The following MAP3K3 variants were observed in gnomAD, a reference collection of about 807,000 sequenced individuals.
The protein encoded by MAP3K3 is MAP/ERK kinase kinase 3.
A neutral mutation model predicts 80.9 loss-of-function variants in MAP3K3; 12 were observed. The ratio of observed to expected loss-of-function variants is 0.15; its 90% confidence interval spans 0.10 to 0.24. The LOEUF (loss-of-function observed/expected upper bound fraction) is 0.24, where lower values mean the gene tolerates loss of function less well. Ranked by LOEUF, MAP3K3 falls within the 10% of genes least tolerant of loss-of-function variation. The pLI is 1.00. For synonymous variants in MAP3K3, 272 were observed against 307.1 expected, an observed-to-expected ratio of 0.89 and a Z score of 1.19; for missense variants, 596 against 834.7, an observed-to-expected ratio of 0.71 and a Z score of 3.52.
Position 63,676,222 on chromosome 17 carries a change from A to G in MAP3K3, c.503-5544A>G, listed in dbSNP as rs116971599. On this transcript the variant is annotated intron_variant, in intron 6 of 15. Coordinates refer to ENST00000361733, the MANE Select transcript of MAP3K3 (RefSeq NM_002401.5). ...AAAAAGTGAAAGTTTCTGGCTGGAA[A>G]TAAAAGCTCAGAAAACCTTTGCTAT... is the stretch of plus-strand genomic sequence containing the variant. Among the ~76,000 whole-genome samples, 432 of 152,356 alleles carry G rather than the reference A, an allele frequency of 2.8e-3. 1 individual carries two copies. The highest frequency in any genetic ancestry group is 4.4e-3 in the Non-Finnish European group (298 of 68,024).
chr17:63,667,364 A>G (rs1378431723), intron 6 of MAP3K3, among the ~76,000 whole-genome samples: 1 of 152,192 alleles, frequency 6.6e-6, no homozygotes. Flanking sequence ...GTTTACACTC[A>G]CTTTTGACCA....
At chr17:63,676,633 C>T (rs2035225291) in intron 6 of MAP3K3, among the ~76,000 whole-genome samples, 1 of 152,204 alleles carries the variant, frequency 6.6e-6, no homozygotes, top group African/African-American at 2.4e-5. Flanking sequence ...GAAGAGGTTC[C>T]ATAAACCAGA....
chr17:63,693,471 C>T lies in MAP3K3; in HGVS notation c.1653-78C>T. The T allele has an allele frequency of 1.5e-6, 2 of 1,308,546 alleles. No homozygotes were observed. The highest frequency in any genetic ancestry group is 2.1e-6 in the Non-Finnish European group (2 of 938,470). 81.1% of individuals were successfully genotyped at this position (1,308,546 alleles called of 1,614,324 possible). On this transcript the variant is annotated intron_variant, in intron 15 of 15. Coordinates refer to ENST00000361733, the MANE Select transcript of MAP3K3 (RefSeq NM_002401.5). The surrounding 1 kb of genome is among the most constrained non-coding windows in gnomAD (Gnocchi z 4.2). ...ACCTCAGCTTGCTGTGAGAAAGGCG[C>T]CTCTTTCTGCAGTGGTGGGCAGGAC...
At chr17:63,632,576 A>C in intron 1 of MAP3K3, 105 bp from the exon 2 acceptor site, 2 of 1,349,412 alleles carry the variant, frequency 1.5e-6, no homozygotes, top group Non-Finnish European at 2.1e-6. Flanking sequence ...AGGGTCTGTC[A>C]TTTTACCTGG....
intron 6 of MAP3K3, among the ~76,000 whole-genome samples, chr17:63,673,947 G>A (rs2035163505): frequency 2.6e-5 from 4 of 151,980 alleles, no homozygotes; most frequent in South Asian, 4.1e-4. Flanking sequence ...AGGTGTGGTC[G>A]TGCGCATCTG....
intron 6 of MAP3K3, among the ~76,000 whole-genome samples, chr17:63,672,190 G>T (rs2035124465): frequency 6.6e-6 from 1 of 151,622 alleles, no homozygotes; most frequent in Non-Finnish European, 1.5e-5. Context: ...GGCTGAGGCA[G>T]GAGAATTGTT....
chr17:63,638,643 A>G (rs1598068109), intron 2 of MAP3K3, among the ~76,000 whole-genome samples: 1 of 152,114 alleles, frequency 6.6e-6, no homozygotes, highest in African/African-American at 2.4e-5. Context: ...TGGGGAGGGG[A>G]CATGAAGCTG....
chr17:63,684,865 A>T (rs2035415424), intron 7 of MAP3K3, among the ~76,000 whole-genome samples: 1 of 152,196 alleles, frequency 6.6e-6, no homozygotes. Flanking sequence ...ACTTTTGTGC[A>T]GAGAAAATGA....
At chr17:63,669,590 T>C (rs2035063983) in intron 6 of MAP3K3, among the ~76,000 whole-genome samples, 1 of 151,994 alleles carries the variant, frequency 6.6e-6, no homozygotes. Context: ...TGCCTCAGCC[T>C]GTTACAGGTG....
chr17:63,652,836 T>C (rs961106465), intron 4 of MAP3K3, among the ~76,000 whole-genome samples, 180 bp downstream of exon 4: 1 of 152,228 alleles, frequency 6.6e-6, no homozygotes, highest in Non-Finnish European at 1.5e-5. Flanking sequence ...CATGGGAGAT[T>C]ACTCAGCCAT....
chr17:63,641,368 G>A (rs1402603217), intron 2 of MAP3K3, among the ~76,000 whole-genome samples: 5 of 151,356 alleles, frequency 3.3e-5, no homozygotes, highest in African/African-American at 7.3e-5. Context: ...TCAGCCTCCC[G>A]AATAGCTGGG....
At chr17:63,654,299 C>T (rs529130287) in intron 4 of MAP3K3, among the ~76,000 whole-genome samples, 16 of 93,164 alleles carry the variant, frequency 1.7e-4, no homozygotes, top group African/African-American at 6.2e-4. Flanking sequence ...CTGAACATTT[C>T]GTGTAGTGCA....
intron 1 of MAP3K3, among the ~76,000 whole-genome samples, chr17:63,630,394 C>T (rs2034191451): frequency 6.6e-6 from 1 of 152,184 alleles, no homozygotes; most frequent in Admixed American, 6.5e-5. Context: ...GTGGCATGAT[C>T]ATGGCTCACT....
chr17:63,666,810 T>C (rs1033998563), intron 5 of MAP3K3, 130 bp from the exon 6 acceptor site: 2 of 929,876 alleles, frequency 2.2e-6, no homozygotes, highest in South Asian at 1.5e-5. Context: ...GGGGGAAAGC[T>C]GGGTAGCTCA....
At chr17:63,678,523 G>GGGTTTCC (rs1244400940) in intron 6 of MAP3K3, among the ~76,000 whole-genome samples, 26 of 152,294 alleles carry the variant, frequency 1.7e-4, no homozygotes, top group African/African-American at 6.0e-4. Context: ...TCTGGCCTTT[G>GGGTTTCC]CTCTGGAGTC....
chr17:63,634,812 A>G, intron 2 of MAP3K3: 5 of 1,609,254 alleles, frequency 3.1e-6, no homozygotes, highest in Non-Finnish European at 3.4e-6. Context: ...GTAAGGATCC[A>G]GATTACCTGT....
chr17:63,666,813 G>A, intron 5 of MAP3K3, 127 bp from the exon 6 acceptor site: 1 of 957,276 alleles, frequency 1.0e-6, no homozygotes, highest in Non-Finnish European at 1.6e-6. Context: ...GGAAAGCTGG[G>A]TAGCTCATGT....
At chr17:63,634,766 T>C in intron 2 of MAP3K3, 1 of 1,614,010 alleles carries the variant, frequency 6.2e-7, no homozygotes. Flanking sequence ...AACAACAAGC[T>C]CATGTGCAGG....
chr17:63,631,039 C>T (rs1433725424), intron 1 of MAP3K3, among the ~76,000 whole-genome samples: 2 of 152,170 alleles, frequency 1.3e-5, no homozygotes, highest in African/African-American at 4.8e-5. Flanking sequence ...GTAATCCCAG[C>T]ATTTTGGGAG....
Sources: allele counts gnomAD v4.1 joint callset (sites outside exome capture counted in the v4.1 genomes callset), GRCh38; gene constraint gnomAD v4.1.1; non-coding constraint Gnocchi (gnomAD v3.1); transcripts MANE v1.5; gene names NCBI Gene and HGNC (gene_info 2026-07-23, HGNC 2026-07-21).